ABCA13: variants seen among roughly 807,000 people sequenced by gnomAD.
The protein encoded by ABCA13 is ATP-binding cassette sub-family A member 13.
In ABCA13, 476 loss-of-function variants were observed where a neutral mutation model predicts 478.7. The observed-to-expected ratio is 0.99, with a 90% CI of 0.92 to 1.07. ABCA13 has a LOEUF of 1.07. Ranked by LOEUF, ABCA13 falls within the 50% of genes least tolerant of loss-of-function variation. The pLI, the probability that ABCA13 is intolerant of heterozygous loss-of-function variation, is 0.00. For synonymous variants in ABCA13, 2,252 were observed against 2,158.9 expected (o/e 1.04, Z -1.20); for missense variants, 6,060 against 5,910.6 (o/e 1.03, Z -0.83).
At position 48,471,743 on chromosome 7, in the gene ABCA13, T is replaced by A; in HGVS notation, c.12975+144T>A. 4.0e-6 allele frequency: 3 copies of A among 745,744 alleles called. No individual in the cohort carries two copies. The South Asian group carries it at 5.2e-5, about 13-fold the overall frequency. 46.2% of individuals were successfully genotyped at this position (745,744 alleles called of 1,614,324 possible). On this transcript the variant is annotated intron_variant, in intron 45 of 61. Coordinates refer to ENST00000435803, the MANE Select transcript of ABCA13 (RefSeq NM_152701.5). ...CTGGATTAGCTGTTTCTGGGAAAAG[T>A]TTTGTCACATAAAGTGAATATTTAT...
Position 48,506,454 on chromosome 7 carries a change from T to C in ABCA13, c.13346+64T>C, listed in dbSNP as rs1291386277. 10 of 1,568,680 alleles carry C rather than the reference T, an allele frequency of 6.4e-6. No individual in the cohort carries two copies. The East Asian group carries it at 1.3e-4, about 21-fold the overall frequency. On this transcript the variant is annotated intron_variant, in intron 49 of 61. Transcript: ENST00000435803. ...TATGGAAGAAAATCTTTGTGTTACT[T>C]AGGGATGACTTTGGTCTCTCTTTTG...
intron 45 of ABCA13, among the ~76,000 whole-genome samples, chr7:48,478,743 G>A (rs1828424201): frequency 6.6e-6 from 1 of 152,082 alleles, no homozygotes; most frequent in Non-Finnish European, 1.5e-5. Flanking sequence ...TCTCCTTGGT[G>A]AGTCTAGATT....
At chr7:48,280,954 A>C (rs1443814292) in intron 18 of ABCA13, among the ~76,000 whole-genome samples, 1 of 152,130 alleles carries the variant, frequency 6.6e-6, no homozygotes, top group Non-Finnish European at 1.5e-5. Flanking sequence ...TGGCAACCCC[A>C]TTCTCCACCA....
intron 55 of ABCA13, among the ~76,000 whole-genome samples, chr7:48,573,120 A>G (rs192192435): frequency 2.2e-4 from 34 of 152,132 alleles, no homozygotes; most frequent in African/African-American, 7.9e-4. Flanking sequence ...ATTCATTACT[A>G]TGTTTAAAGT....
At chr7:48,502,895 C>G (rs1350410035) in intron 48 of ABCA13, among the ~76,000 whole-genome samples, 1 of 152,132 alleles carries the variant, frequency 6.6e-6, no homozygotes, top group Non-Finnish European at 1.5e-5. Context: ...TTTGAAAGGA[C>G]TTAGAGTTTG....
At chr7:48,358,573 C>T (rs999638345) in intron 31 of ABCA13, among the ~76,000 whole-genome samples, 1 of 152,004 alleles carries the variant, frequency 6.6e-6, no homozygotes, top group African/African-American at 2.4e-5. Flanking sequence ...AGTTATTCCT[C>T]TATTCATCTA....
At chr7:48,554,186 G>A in intron 55 of ABCA13, among the ~76,000 whole-genome samples, 1 of 151,938 alleles carries the variant, frequency 6.6e-6, no homozygotes, top group Non-Finnish European at 1.5e-5. Flanking sequence ...TGGCCTATGT[G>A]CCTGTTTTTA....
In ABCA13 at chr7:48,365,447, T is replaced by C. The variant is rs191195615; in HGVS notation, c.10689-2347T>C. 4.0e-3 allele frequency among the ~76,000 whole-genome samples: 604 copies of C among 152,310 alleles called. 5 individuals carry two copies. Among genetic ancestry groups the C allele is most frequent in the South Asian group, 6.2e-3 (30 of 4,830 alleles). On this transcript the variant is annotated intron_variant, in intron 31 of 61. Transcript: ENST00000435803. ...TAACATCATTTGTCTATTTTTGCTT[T>C]TGTTGTCTGTGCTTTTGAGGTCTTA...
intron 31 of ABCA13, among the ~76,000 whole-genome samples, chr7:48,357,431 T>G (rs1283701298): frequency 6.6e-6 from 1 of 152,024 alleles, no homozygotes; most frequent in African/African-American, 2.4e-5. Flanking sequence ...TGATACCAAC[T>G]GTAGTGGGAA....
Position 48,275,368 on chromosome 7 carries a change from T to C in ABCA13, c.5702T>C (p.Leu1901Pro). The C allele has an allele frequency of 4.3e-6, 7 of 1,614,018 alleles. No individual in the cohort carries two copies. The highest frequency in any genetic ancestry group is 5.9e-6 in the Non-Finnish European group (7 of 1,179,874). Residue 1901 changes from leucine (L) to proline (P), a missense_variant, in exon 17 of 62, where the codon CTG (leucine) becomes CCG (proline). Leu to Pro is a moderately conservative substitution (Grantham distance 98). Transcript: ENST00000435803. The part of the protein sequence containing the change: ...HELVDWNSIL[L>P]ELSEVFHVNI... ...TTAGTGGACTGGAATTCTATTCTTC[T>C]GGAGCTCTCTGAAGTCTTCCATGTT...
In ABCA13 at chr7:48,560,539, T is replaced by A. The variant is rs148609747; in HGVS notation, c.14355-19685T>A. ...ATGATGGTGCTTTTTTTGTGTGTAG[T>A]TAGTTGTTAAAATTTGGTGTTTCTG... On this transcript the variant is annotated intron_variant, in intron 55 of 61. Transcript: ENST00000435803. Among the ~76,000 whole-genome samples the A allele has an allele frequency of 2.0e-4, 30 of 152,306 alleles. No individual in the cohort carries two copies. In the East Asian group the frequency reaches 4.6e-3, roughly 24 times the overall value.
intron 29 of ABCA13, among the ~76,000 whole-genome samples, chr7:48,350,006 G>A (rs1310078744): frequency 5.3e-5 from 8 of 152,190 alleles, no homozygotes; most frequent in African/African-American, 1.9e-4. Flanking sequence ...TGAAACCAGA[G>A]TGAAAATACT....
At chr7:48,182,809 A>G (rs1000041255) in intron 1 of ABCA13, among the ~76,000 whole-genome samples, 1 of 152,218 alleles carries the variant, frequency 6.6e-6, no homozygotes, top group Non-Finnish European at 1.5e-5. Context: ...ACTGTAAAGG[A>G]TCTAGGCAGA....
Position 48,227,245 on chromosome 7 carries a change from A to AT in ABCA13, c.469-9dup, listed in dbSNP as rs150972279. On this transcript the variant is annotated splice_polypyrimidine_tract_variant and intron_variant, in intron 5 of 61. Transcript: ENST00000435803. ...AACTCCAGAGGGAAACTTTTGGTGTATTTTTTTTCCCATCAGATGGATCTC... is the reference window on the plus strand; with the variant it reads ...AACTCCAGAGGGAAACTTTTGGTGTATTTTTTTTTCCCATCAGATGGATCTC... 0.11 allele frequency: 177,838 copies of AT among 1,608,880 alleles called. 10,588 individuals carry two copies. The highest frequency in any genetic ancestry group is 0.22 in the Admixed American group (12,852 of 59,226).
chr7:48,274,991 C>T lies in ABCA13; in HGVS notation c.5325C>T (p.Phe1775=). 2 of 1,613,856 alleles carry T rather than the reference C, an allele frequency of 1.2e-6. No homozygotes were observed. Among genetic ancestry groups the T allele is most frequent in the African/African-American group, 1.3e-5 (1 of 75,036 alleles). The part of the protein sequence containing the change: ...ITEGLKDVYS[F]TLLHGITISN... ...AAGGCCTCAAGGATGTCTACAGCTT[C>T]ACACTCCTTCATGGCATAACCATTT... is the stretch of plus-strand genomic sequence containing the variant. The change falls in exon 17 of 62, where the codon TTC becomes TTT. Residue 1775 remains phenylalanine, a synonymous_variant. Coordinates refer to ENST00000435803, the MANE Select transcript of ABCA13 (RefSeq NM_152701.5).
chr7:48,330,607 A>G (rs947970266), intron 27 of ABCA13, among the ~76,000 whole-genome samples: 1 of 151,786 alleles, frequency 6.6e-6, no homozygotes, highest in African/African-American at 2.4e-5. Context: ...CTATTCATCC[A>G]TCCATCCATC....
At chr7:48,536,339 A>G (rs1295628126) in intron 55 of ABCA13, among the ~76,000 whole-genome samples, 2 of 152,214 alleles carry the variant, frequency 1.3e-5, no homozygotes, top group Non-Finnish European at 2.9e-5. Flanking sequence ...AAGTTCTTAC[A>G]AGAATATTTT....
intron 39 of ABCA13, among the ~76,000 whole-genome samples, chr7:48,405,194 G>A (rs1198490891): frequency 4.6e-5 from 7 of 152,258 alleles, no homozygotes; most frequent in Non-Finnish European, 1.5e-5. Context: ...CTGGAAGCCA[G>A]GGCAGAGATT....
chr7:48,604,228 C>T (rs1791222724), intron 58 of ABCA13, among the ~76,000 whole-genome samples: 1 of 152,074 alleles, frequency 6.6e-6, no homozygotes, highest in Admixed American at 6.6e-5. Flanking sequence ...GTCTCTATCT[C>T]CTTCAGTTCT....
Sources: gnomAD v4.1 joint callset for allele counts (sites outside exome capture counted in the v4.1 genomes callset) on GRCh38, gnomAD v4.1.1 for gene constraint, MANE v1.5 for transcripts, NCBI Gene and HGNC (gene_info 2026-07-23, HGNC 2026-07-21) for gene names.